SBF2: variants seen among roughly 807,000 people sequenced by gnomAD.
SBF2 encodes SET binding factor 2.
SBF2 carries 112 observed loss-of-function variants against 225.2 expected under a neutral mutation model. The observed-to-expected ratio is 0.50, with a 90% CI of 0.43 to 0.58. SBF2 has a LOEUF of 0.58. Ranked by LOEUF, SBF2 falls within the 20% of genes least tolerant of loss-of-function variation. The pLI is 0.00. For missense variants in SBF2, 1,996 were observed against 2,206.2 expected, an observed-to-expected ratio of 0.90 and a Z score of 1.91; for synonymous variants, 763 against 773.3, an observed-to-expected ratio of 0.99 and a Z score of 0.22.
intron 17 of SBF2, among the ~76,000 whole-genome samples, chr11:9,865,568 T>C (rs917106855): frequency 1.2e-5 from 1 of 85,190 alleles, no homozygotes; most frequent in Non-Finnish European, 2.9e-5. Context: ...CACATGCCTG[T>C]AATCCCCAGC....
At chr11:9,822,496 G>C (rs1190239911) in intron 28 of SBF2, among the ~76,000 whole-genome samples, 5 of 152,104 alleles carry the variant, frequency 3.3e-5, no homozygotes, top group Non-Finnish European at 5.9e-5. Flanking sequence ...TCCTGACCAC[G>C]TGATCCGCCC....
chr11:10,184,872 G>A (rs1464633283), intron 2 of SBF2, among the ~76,000 whole-genome samples: 4 of 152,010 alleles, frequency 2.6e-5, no homozygotes, highest in Non-Finnish European at 4.4e-5. Flanking sequence ...GACTACAGGC[G>A]CCCACCACCA....
intron 17 of SBF2, among the ~76,000 whole-genome samples, chr11:9,877,537 C>A (rs1859361128): frequency 6.6e-6 from 1 of 152,124 alleles, no homozygotes; most frequent in Admixed American, 6.5e-5. Context: ...CTAATGCTAT[C>A]CCTACCCCAA....
At chr11:10,212,834 G>A (rs555275847) in intron 1 of SBF2, among the ~76,000 whole-genome samples, 53 of 152,248 alleles carry the variant, frequency 3.5e-4, no homozygotes, top group African/African-American at 1.1e-3. Flanking sequence ...GGCAGATCAC[G>A]AGGTCAAGAG....
chr11:10,099,331 C>A (rs955074258), intron 2 of SBF2, among the ~76,000 whole-genome samples: 2 of 151,986 alleles, frequency 1.3e-5, no homozygotes, highest in African/African-American at 2.4e-5. Context: ...CTGAAAAAAA[C>A]CATGTGAACC....
At chr11:9,891,598 T>C (rs1860823922) in intron 17 of SBF2, among the ~76,000 whole-genome samples, 1 of 152,160 alleles carries the variant, frequency 6.6e-6, no homozygotes, top group Admixed American at 6.6e-5. Context: ...AAGTACCATA[T>C]AAACAACAAA....
At chr11:9,865,707 AAAAAAAAAAG>A (rs1430625399) in intron 17 of SBF2, among the ~76,000 whole-genome samples, 2 of 147,554 alleles carry the variant, frequency 1.4e-5, no homozygotes, top group Admixed American at 6.8e-5. Flanking sequence ...AAAAAAAAAA[AAAAAAAAAAG>A]GCGGGAGGCG....
chr11:10,254,900 C>CAAAAAAAAAAAAAAAAAAAAAAAAAAAA (rs71034757), intron 1 of SBF2, among the ~76,000 whole-genome samples: 7 of 44,072 alleles, frequency 1.6e-4, no homozygotes, highest in Non-Finnish European at 2.6e-4. Context: ...GACTCTGTCT[C>CAAAAAAAAAAAAAAAAAAAAAAAAAAAA]AAAAAAAAAA....
chr11:10,021,388 A>T (rs1459350576), intron 6 of SBF2, among the ~76,000 whole-genome samples: 1 of 152,150 alleles, frequency 6.6e-6, no homozygotes, highest in African/African-American at 2.4e-5. Flanking sequence ...CATTGTTAGT[A>T]CACTTAAAAC....
intron 1 of SBF2, among the ~76,000 whole-genome samples, chr11:10,265,510 G>A (rs4307713): frequency 1.9e-5 from 2 of 106,530 alleles, no homozygotes; most frequent in Non-Finnish European, 3.7e-5. Context: ...GGGGAGAGGT[G>A]GGGGGGTATC....
chr11:9,856,951 C>T (rs566725257), intron 18 of SBF2, among the ~76,000 whole-genome samples: 12 of 152,162 alleles, frequency 7.9e-5, no homozygotes, highest in African/African-American at 2.9e-4. Context: ...CCACGCCCAG[C>T]TAATTTTTTG....
chr11:9,916,419 A>T (rs1360394835), intron 16 of SBF2, among the ~76,000 whole-genome samples: 3 of 152,168 alleles, frequency 2.0e-5, no homozygotes, highest in African/African-American at 7.2e-5. Context: ...AGTTGCACAC[A>T]ATGAATGAAA....
intron 1 of SBF2, among the ~76,000 whole-genome samples, chr11:10,263,057 T>C (rs1039407262): frequency 3.3e-5 from 5 of 152,074 alleles, no homozygotes; most frequent in Admixed American, 6.6e-5. Flanking sequence ...ACTACTTCCC[T>C]GTTTTAAAAA....
chr11:10,196,052 T>C (rs1410231631), intron 1 of SBF2, among the ~76,000 whole-genome samples: 8 of 152,210 alleles, frequency 5.3e-5, no homozygotes, highest in Non-Finnish European at 1.0e-4. Context: ...AATGAACTGA[T>C]AATTTCAGTT....
rs554285999 is a variant in SBF2 at position 10,204,574 on chromosome 11, C to T, written c.56-10587G>A. On this transcript the variant is annotated intron_variant, in intron 1 of 39. Transcript: ENST00000256190. ...GAATGGCGTGGAGGCAGGAGAATGG[C>T]GTGAACCCAGGAGGCGGAGGTTGCA... Among the ~76,000 whole-genome samples the T allele has an allele frequency of 6.4e-5, 9 of 141,448 alleles. 1 individual carries two copies. Among genetic ancestry groups the T allele is most frequent in the Admixed American group, 2.8e-4 (4 of 14,058 alleles). 92.8% of individuals were successfully genotyped at this position (141,448 alleles called of 152,430 possible).
intron 1 of SBF2, among the ~76,000 whole-genome samples, chr11:10,205,693 C>T (rs1957728900): frequency 6.6e-6 from 1 of 152,026 alleles, no homozygotes; most frequent in African/African-American, 2.4e-5. Flanking sequence ...AGGGAAAGCA[C>T]TTTCCTTCAC....
intron 30 of SBF2, chr11:9,811,259 T>C (rs1488525887): frequency 1.3e-5 from 2 of 152,196 alleles, no homozygotes; most frequent in East Asian, 1.9e-4. Context: ...ACCTGGGTGA[T>C]GAAATAATCT....
intron 13 of SBF2, 136 bp downstream of exon 13, chr11:9,989,361 G>A: frequency 1.6e-5 from 10 of 610,084 alleles, no homozygotes; most frequent in East Asian, 2.8e-5. Flanking sequence ...CTTGGGTGAT[G>A]AGTGCACCAA....
At chr11:9,814,476 G>C (rs1216521954) in intron 29 of SBF2, among the ~76,000 whole-genome samples, 2 of 151,498 alleles carry the variant, frequency 1.3e-5, no homozygotes, top group African/African-American at 4.9e-5. Flanking sequence ...TAATCTAATA[G>C]GAAAAAACCC....
Sources: gnomAD v4.1 joint callset for allele counts (sites outside exome capture counted in the v4.1 genomes callset) on GRCh38, gnomAD v4.1.1 for gene constraint, MANE v1.5 for transcripts, NCBI Gene and HGNC (gene_info 2026-07-23, HGNC 2026-07-21) for gene names.